Variants in ALB observed in about 807,000 individuals in gnomAD.
ALB encodes the protein serum albumin.
In ALB, 37 loss-of-function variants were observed where a neutral mutation model predicts 74.5. That is an observed-to-expected ratio of 0.50 (90% CI 0.38 to 0.65). The LOEUF is 0.65. ALB is among the 30% of genes least tolerant of loss of function. The pLI, the probability that ALB is intolerant of heterozygous loss-of-function variation, is 0.00. For missense variants in ALB, 685 were observed against 718.7 expected, an observed-to-expected ratio of 0.95 and a Z score of 0.54; for synonymous variants, 249 against 251.6, an observed-to-expected ratio of 0.99 and a Z score of 0.10.
intron 1 of ALB, 149 bp downstream of exon 1, chr4:73,404,555 A>T (rs969133603): frequency 3.0e-6 from 2 of 663,362 alleles, no homozygotes; most frequent in Admixed American, 5.6e-5. Context: ...TTACAAGGTT[A>T]TCTTATTAAT....
In ALB at chr4:73,409,444, A is replaced by G. The variant is rs1439495447; in HGVS notation, c.572A>G (p.Glu191Gly). The change falls in exon 5 of 15, where the codon GAA (glutamate) becomes GGA (glycine). Residue 191 changes from glutamate to glycine, a missense_variant. Transcript: ENST00000295897. Reference protein sequence around the residue: ...FAKRYKAAFTECCQAADKAAC... With the variant: ...FAKRYKAAFTGCCQAADKAAC... Reference sequence around the variant, plus strand: ...AAAAGGTATAAAGCTGCTTTTACAGAATGTTGCCAAGCTGCTGATAAAGCT... The same window carrying G: ...AAAAGGTATAAAGCTGCTTTTACAGGATGTTGCCAAGCTGCTGATAAAGCT... 1.2e-6 allele frequency: 2 copies of G among 1,613,992 alleles called. No homozygotes were observed. The highest frequency in any genetic ancestry group is 1.1e-5 in the South Asian group (1 of 91,072).
At chr4:73,419,475 T>C in intron 12 of ALB, 32 bp from the exon 13 acceptor site, 2 of 986,328 alleles carry the variant, frequency 2.0e-6, no homozygotes, top group Middle Eastern at 2.8e-4. Flanking sequence ...GTTTTTTCTG[T>C]TTTTTTTTTT....
At position 73,415,103 on chromosome 4, in the gene ALB, C is replaced by T. The variant is rs767733978; in HGVS notation, c.1127C>T (p.Thr376Ile). ...GTGCTGCTGCTGAGACTTGCCAAGA[C>T]ATATGAAACCACTCTAGAGAAGTGC... is the stretch of plus-strand genomic sequence containing the variant. Reference protein sequence around the residue: ...SVVLLLRLAKTYETTLEKCCA... With the variant: ...SVVLLLRLAKIYETTLEKCCA... Residue 376 changes from threonine to isoleucine, a missense_variant, in exon 9 of 15, where the codon ACA (threonine) becomes ATA (isoleucine). Physicochemically the swap from Thr to Ile is moderately conservative, Grantham distance 89. Transcript: ENST00000295897. 11 of 1,614,138 alleles carry T rather than the reference C, an allele frequency of 6.8e-6. No homozygotes were observed. In the East Asian group the frequency reaches 8.9e-5, roughly 13 times the overall value.
chr4:73,412,908 A>G (rs532428636), intron 7 of ALB, among the ~76,000 whole-genome samples: 1 of 152,322 alleles, frequency 6.6e-6, no homozygotes, highest in South Asian at 2.1e-4. Flanking sequence ...AAAACTTATA[A>G]TATTTTCTTT....
chr4:73,405,036 G>C, intron 1 of ALB, 80 bp from the exon 2 acceptor site: 1 of 1,371,976 alleles, frequency 7.3e-7, no homozygotes, highest in Non-Finnish European at 1.0e-6. Context: ...AAGTCAAATG[G>C]AAAGAAATAT....
In ALB at chr4:73,407,340, A is replaced by G. The variant is rs192922218; in HGVS notation, c.270+579A>G. On this transcript the variant is annotated intron_variant, in intron 3 of 14. Transcript: ENST00000295897. Reference sequence around the variant, plus strand: ...AGTTTGACTACTTTAGCTACCTTATATAAGTGGTATTATGTACTGTTTATC... The same window carrying G: ...AGTTTGACTACTTTAGCTACCTTATGTAAGTGGTATTATGTACTGTTTATC... 4.6e-5 allele frequency among the ~76,000 whole-genome samples: 7 copies of G among 152,298 alleles called. No homozygotes were observed. The East Asian group carries it at 1.2e-3, about 25-fold the overall frequency.
At chr4:73,416,767 T>C (rs1719023529) in intron 10 of ALB, among the ~76,000 whole-genome samples, 1 of 152,206 alleles carries the variant, frequency 6.6e-6, no homozygotes, top group African/African-American at 2.4e-5. Flanking sequence ...TGAATTTAGA[T>C]ACATATTTGA....
At chr4:73,412,614 T>A (rs1157875167) in intron 7 of ALB, among the ~76,000 whole-genome samples, 5 of 151,964 alleles carry the variant, frequency 3.3e-5, no homozygotes, top group Admixed American at 6.5e-5. Context: ...CCTGGCTAAT[T>A]TTGTATTTTT....
chr4:73,404,703 C>T (rs182451111), intron 1 of ALB, among the ~76,000 whole-genome samples: 1 of 152,026 alleles, frequency 6.6e-6, no homozygotes, highest in African/African-American at 2.4e-5. Flanking sequence ...AGATTGAATT[C>T]ATAACTATCC....
chr4:73,418,453 G>A (rs1577942016), intron 12 of ALB, 142 bp downstream of exon 12: 1 of 743,280 alleles, frequency 1.3e-6, no homozygotes, highest in Admixed American at 2.2e-5. Context: ...GCTGATAAGA[G>A]TACCCAGAAT....
chr4:73,418,575 G>A (rs1476585984), intron 12 of ALB, among the ~76,000 whole-genome samples: 1 of 152,184 alleles, frequency 6.6e-6, no homozygotes, highest in Non-Finnish European at 1.5e-5. Context: ...GCCATATTCA[G>A]TAGAAAAAGA....
rs1273194700 is a variant in ALB, at chr4:73,415,159, G to A, written c.1183G>A (p.Ala395Thr). The stretch of plus-strand genomic sequence containing the variant: ...CGCTGCAGATCCTCATGAATGCTAT[G>A]CCAAAGTGGTAGGTTTATTGTTGGA... The part of the protein sequence containing the change: ...CAAADPHECY[A>T]KVFDEFKPLV... The change falls in exon 9 of 15, where the codon GCC becomes ACC. Residue 395 changes from alanine to threonine, a missense_variant. Transcript: ENST00000295897. The A allele has an allele frequency of 6.2e-7, 1 of 1,613,990 alleles. No homozygotes were observed. The highest frequency in any genetic ancestry group is 1.3e-5 in the African/African-American group (1 of 74,916).
In ALB at chr4:73,420,244, TTGTG is replaced by T; in HGVS notation, c.1786-8_1786-5del. The T allele has an allele frequency of 6.2e-7, 1 of 1,611,378 alleles. No homozygotes were observed. The highest frequency in any genetic ancestry group is 8.5e-7 in the Non-Finnish European group (1 of 1,177,840). On this transcript the variant is annotated splice_region_variant and splice_polypyrimidine_tract_variant and intron_variant, in intron 13 of 14. Transcript: ENST00000295897. ...TATTTTCCTAACATCTGTCATGTCT[TTGTG>T]TTCAGGGTAAAAAACTTGTTGCTGC...
intron 5 of ALB, among the ~76,000 whole-genome samples, chr4:73,409,787 A>C (rs1159161077): frequency 6.6e-6 from 1 of 152,142 alleles, no homozygotes; most frequent in African/African-American, 2.4e-5. Context: ...GTCAAATTGC[A>C]CAGCAAGGGG....
chr4:73,412,314 C>A, intron 7 of ALB, 189 bp downstream of exon 7: 1 of 676,756 alleles, frequency 1.5e-6, no homozygotes. Context: ...TATAAATTAC[C>A]AGATAAACCC....
intron 3 of ALB, among the ~76,000 whole-genome samples, chr4:73,408,101 A>G (rs1473012493): frequency 6.6e-6 from 1 of 152,216 alleles, no homozygotes; most frequent in Non-Finnish European, 1.5e-5. Flanking sequence ...TGGAAGAAAA[A>G]TGTCTATATC....
intron 11 of ALB, 92 bp downstream of exon 11, chr4:73,417,761 A>ATG (rs1719050878): frequency 3.2e-5 from 39 of 1,212,320 alleles, no homozygotes; most frequent in East Asian, 7.7e-5. Flanking sequence ...GAAGGAAGTA[A>ATG]TGTGTGTGTG....
At chr4:73,416,672 A>G (rs1369635600) in intron 10 of ALB, among the ~76,000 whole-genome samples, 10 of 152,214 alleles carry the variant, frequency 6.6e-5, no homozygotes, top group African/African-American at 1.7e-4. Context: ...GAGCATGGCA[A>G]TATTTTGTAG....
Position 73,411,325 on chromosome 4 carries a change from A to G in ALB, c.714-671A>G, listed in dbSNP as rs1392399930. 2.0e-5 allele frequency among the ~76,000 whole-genome samples: 3 copies of G among 152,202 alleles called. No homozygotes were observed. In the East Asian group the frequency reaches 5.8e-4, roughly 29 times the overall value. ...GAAAGAAGTCACCTTTACCTGATTT[A>G]GGCAACTGTGAAATGACTAGAGAAT... On this transcript the variant is annotated intron_variant, in intron 6 of 14. Coordinates refer to ENST00000295897, the MANE Select transcript of ALB (RefSeq NM_000477.7).
Sources: allele counts gnomAD v4.1 joint callset (sites outside exome capture counted in the v4.1 genomes callset), GRCh38; gene constraint gnomAD v4.1.1; transcripts MANE v1.5; gene names NCBI Gene and HGNC (gene_info 2026-07-23, HGNC 2026-07-21).